The following HAPLN2 variants were observed in gnomAD, a reference collection of about 807,000 sequenced individuals.
HAPLN2 encodes the protein brain link protein-1.
A neutral mutation model predicts 29.3 loss-of-function variants in HAPLN2; 27 were observed. The observed-to-expected ratio is 0.92, with a 90% CI of 0.68 to 1.27. HAPLN2 has a LOEUF of 1.27. Among genes scored for constraint, HAPLN2 ranks in the 50% most tolerant of loss-of-function variants. The probability of loss-of-function intolerance (pLI) is 0.00; values close to 1 mark genes in which losing one functional copy is unlikely to be tolerated. For synonymous variants in HAPLN2, 208 were observed against 211.7 expected (o/e 0.98, Z 0.15); for missense variants, 454 against 484.3 (o/e 0.94, Z 0.59).
chr1:156,617,815 C>T (rs1024850232), upstream of HAPLN2, among the ~76,000 whole-genome samples: 3 of 151,976 alleles, frequency 2.0e-5, no homozygotes, highest in Non-Finnish European at 4.4e-5. Context: ...GGGAGTCCTC[C>T]CTCTGCATTA....
At position 156,624,576 on chromosome 1, in the gene HAPLN2, C is replaced by T. The variant is rs753404909; in HGVS notation, c.557-25C>T. 2.5e-6 allele frequency: 4 copies of T among 1,608,750 alleles called. No individual in the cohort carries two copies. The Admixed American group carries it at 5.1e-5, about 20-fold the overall frequency. On this transcript the variant is annotated intron_variant, in intron 5 of 6. Transcript: ENST00000255039. ...GCTCCTGCCTATGACGCCTCTTATC[C>T]CCGACCTCCGCCGTCTCCCGCCAGC...
chr1:156,606,708 C>T, the HAPLN2 span, among the ~76,000 whole-genome samples: 1 of 151,990 alleles, frequency 6.6e-6, no homozygotes, highest in Admixed American at 6.6e-5. Flanking sequence ...GCCTCCAACT[C>T]CTGGGCTCAA....
At chr1:156,615,229 C>G (rs1346228553), upstream of HAPLN2, 1 of 152,222 alleles carries the variant, frequency 6.6e-6, no homozygotes, top group Non-Finnish European at 1.5e-5. Flanking sequence ...AGAAGGTCTC[C>G]TATGCCCAGC....
At chr1:156,618,133 CA>C, upstream of HAPLN2, among the ~76,000 whole-genome samples, 1 of 151,186 alleles carries the variant, frequency 6.6e-6, no homozygotes, top group African/African-American at 2.4e-5. Flanking sequence ...CTCATCTCTA[CA>C]AAAAAATACA....
chr1:156,604,598 A>G, the HAPLN2 span, among the ~76,000 whole-genome samples: 1 of 152,168 alleles, frequency 6.6e-6, no homozygotes, highest in Admixed American at 6.5e-5. Context: ...AAGAATTCTT[A>G]ATAGCTTGGG....
chr1:156,605,516 T>C, the HAPLN2 span, among the ~76,000 whole-genome samples: 1 of 148,250 alleles, frequency 6.7e-6, no homozygotes, highest in South Asian at 2.1e-4. Context: ...GGAGAATCTC[T>C]TGAACCCGGG....
chr1:156,623,677 G>A, intron 3 of HAPLN2, 102 bp downstream of exon 3: 2 of 1,550,592 alleles, frequency 1.3e-6, no homozygotes, highest in Non-Finnish European at 8.7e-7. Flanking sequence ...GGGACTGAAA[G>A]TCATTGCTGA....
Position 156,625,553 on chromosome 1 carries a change from G to A in HAPLN2, c.*169G>A, listed in dbSNP as rs1678424616. 1.1e-5 allele frequency: 7 copies of A among 665,458 alleles called. No homozygotes were observed. In the South Asian group the frequency reaches 1.9e-4, roughly 18 times the overall value. 41.2% of individuals were successfully genotyped at this position (665,458 alleles called of 1,614,324 possible). A position where few individuals can be genotyped will look rare whatever the true frequency, so the allele number is the denominator to read the frequency against. ...GGCCTCGGACCCCGGCTGGCCCGGC[G>A]GCGGGGAGGGGAGGCGGGGGCGCCT... is the stretch of plus-strand genomic sequence containing the variant. On this transcript the variant is annotated 3_prime_UTR_variant, in exon 7 of 7. Coordinates refer to ENST00000255039, the MANE Select transcript of HAPLN2 (RefSeq NM_021817.3). The surrounding 1 kb of genome is among the most constrained non-coding windows in gnomAD (Gnocchi z 5.7).
intron 2 of HAPLN2, among the ~76,000 whole-genome samples, chr1:156,623,015 T>C (rs1294302088): frequency 7.7e-6 from 1 of 130,304 alleles, no homozygotes; most frequent in Non-Finnish European, 1.6e-5. Flanking sequence ...GCCTGGACCA[T>C]GGAGCAACAC....
chr1:156,623,772 TG>T (rs778878405), intron 3 of HAPLN2, 34 bp from the exon 4 acceptor site: 5 of 1,472,062 alleles, frequency 3.4e-6, no homozygotes, highest in Admixed American at 4.9e-5. Flanking sequence ...CAGTGAGGAT[TG>T]GGGGTTCCTG....
chr1:156,613,747 C>T, the HAPLN2 span, among the ~76,000 whole-genome samples: 1 of 151,820 alleles, frequency 6.6e-6, no homozygotes, highest in Non-Finnish European at 1.5e-5. Context: ...GAAGCCCCGT[C>T]TCTATTAAAA....
Position 156,623,950 on chromosome 1 carries a change from G to A in HAPLN2, c.229G>A (p.Glu77Lys), listed in dbSNP as rs763691756. 4 of 1,608,126 alleles carry A rather than the reference G, an allele frequency of 2.5e-6. No homozygotes were observed. In the South Asian group the frequency reaches 4.4e-5, roughly 18 times the overall value. Residue 77 changes from glutamate to lysine, a missense_variant, in exon 4 of 7, where the codon GAG becomes AAG. Glu to Lys is a moderately conservative substitution (Grantham distance 56). Around this residue, in one of 3 missense-constraint regions of HAPLN2, gnomAD observed 204 missense variants for 209.2 expected, o/e 0.98. Coordinates refer to ENST00000255039, the MANE Select transcript of HAPLN2 (RefSeq NM_021817.3). Reference protein sequence around the residue: ...KVRWSKVEPGELRETLILITN... With the variant: ...KVRWSKVEPGKLRETLILITN... ...GCGCTGGAGCAAGGTGGAGCCTGGGGAGCTCCGGGAAACGCTGATCCTCAT... is the reference window on the plus strand; with the variant it reads ...GCGCTGGAGCAAGGTGGAGCCTGGGAAGCTCCGGGAAACGCTGATCCTCAT...
chr1:156,611,586 C>A, the HAPLN2 span, among the ~76,000 whole-genome samples: 6 of 151,804 alleles, frequency 4.0e-5, no homozygotes, highest in Admixed American at 3.9e-4. Context: ...AACAAAAAAA[C>A]AAAAAAACCC....
upstream of HAPLN2, among the ~76,000 whole-genome samples, chr1:156,617,375 G>A (rs1297842505): frequency 3.3e-4 from 45 of 137,712 alleles, no homozygotes; most frequent in African/African-American, 1.2e-3. Context: ...TTTTGAGATG[G>A]TGTCTCACTC....
rs1200781996 is a variant in HAPLN2 at position 156,625,319 on chromosome 1, C to T, written c.958C>T (p.Arg320Cys). 2.5e-6 allele frequency: 4 copies of T among 1,592,796 alleles called. No homozygotes were observed. The highest frequency in any genetic ancestry group is 1.7e-5 in the Admixed American group (1 of 57,762). Residue 320 changes from arginine to cysteine, a missense_variant, in exon 7 of 7, where the codon CGC (arginine) becomes TGC (cysteine). Coordinates refer to ENST00000255039, the MANE Select transcript of HAPLN2 (RefSeq NM_021817.3). This position sits in a 1 kb window ranked among gnomAD's most constrained non-coding sequence, Gnocchi z 5.7. ...RCGGLPDPGVRSFGFPRPQQA... is the reference protein window; with the variant it reads ...RCGGLPDPGVCSFGFPRPQQA... Reference sequence around the variant, plus strand: ...CGGGGGGCTCCCGGATCCCGGAGTGCGCAGTTTCGGCTTCCCCAGGCCCCA... The same window carrying T: ...CGGGGGGCTCCCGGATCCCGGAGTGTGCAGTTTCGGCTTCCCCAGGCCCCA...
At chr1:156,617,015 G>A (rs1678072795), upstream of HAPLN2, among the ~76,000 whole-genome samples, 1 of 152,012 alleles carries the variant, frequency 6.6e-6, no homozygotes, top group South Asian at 2.1e-4. Flanking sequence ...GTTTGAACCT[G>A]GGAGGTCGAG....
chr1:156,611,824 C>G, the HAPLN2 span, among the ~76,000 whole-genome samples: 4 of 152,106 alleles, frequency 2.6e-5, no homozygotes, highest in African/African-American at 9.7e-5. Context: ...GGTAGCAGGG[C>G]TGAGATTTAT....
chr1:156,618,580 C>T (rs1296232591), upstream of HAPLN2, among the ~76,000 whole-genome samples: 1 of 151,720 alleles, frequency 6.6e-6, no homozygotes, highest in Non-Finnish European at 1.5e-5. Context: ...GAGATCGAGA[C>T]CATCCTGGTT....
the HAPLN2 span, among the ~76,000 whole-genome samples, chr1:156,611,571 C>CA: frequency 6.6e-6 from 1 of 151,486 alleles, no homozygotes; most frequent in South Asian, 2.1e-4. Context: ...ATCTCAAAAA[C>CA]AAAAAACAAA....
Sources: allele counts gnomAD v4.1 joint callset (sites outside exome capture counted in the v4.1 genomes callset), GRCh38; gene constraint gnomAD v4.1.1; regional missense constraint gnomAD v4.1.1; non-coding constraint Gnocchi (gnomAD v3.1); transcripts MANE v1.5; gene names NCBI Gene and HGNC (gene_info 2026-07-23, HGNC 2026-07-21).